The following PRKDC variants were observed in gnomAD, a reference collection of about 807,000 sequenced individuals.
The protein encoded by PRKDC is protein kinase, DNA-activated, catalytic subunit.
A neutral mutation model predicts 486.9 loss-of-function variants in PRKDC; 82 were observed. The observed-to-expected ratio is 0.17, with a 90% CI of 0.14 to 0.20. The LOEUF (loss-of-function observed/expected upper bound fraction) is 0.20. Among genes scored for constraint, PRKDC ranks in the 10% least tolerant of loss-of-function variants. The pLI is 1.00. For synonymous variants in PRKDC, 1,895 were observed against 1,837.0 expected (o/e 1.03, Z -0.81); for missense variants, 4,504 against 5,038.2 (o/e 0.89, Z 3.21).
chr8:47,929,240 A>G, intron 18 of PRKDC, 62 bp from the exon 19 acceptor site: 1 of 1,139,500 alleles, frequency 8.8e-7, no homozygotes, highest in Non-Finnish European at 1.3e-6. Flanking sequence ...ATCCCAATCC[A>G]GTAGTTCCTA....
In PRKDC at chr8:47,929,057, CATG is replaced by C. The variant is rs371404425; in HGVS notation, c.2139+32_2139+34del. On this transcript the variant is annotated intron_variant, in intron 19 of 85. Coordinates refer to ENST00000314191, the MANE Select transcript of PRKDC (RefSeq NM_006904.7). ...AATAGATATTCATTTAAAAACAGTTCATGATAACACTAAGATAAATCATTTAAA... is the reference window on the plus strand; with the variant it reads ...AATAGATATTCATTTAAAAACAGTTCATAACACTAAGATAAATCATTTAAA... The C allele has an allele frequency of 1.1e-3, 1,513 of 1,357,734 alleles. 10 individuals carry two copies. In the African/African-American group the frequency reaches 0.019, roughly 17 times the overall value. The allele number at this position is 1,357,734 out of a possible 1,614,324, so 84.1% of individuals were successfully genotyped here.
rs774957970 is a variant in PRKDC at position 47,840,054 on chromosome 8, T to C, written c.7416A>G (p.Gln2472=). 2 of 1,554,266 alleles carry C rather than the reference T, an allele frequency of 1.3e-6. No individual in the cohort carries two copies. The highest frequency in any genetic ancestry group is 1.4e-5 in the African/African-American group (1 of 73,574). Residue 2472 remains glutamine, a synonymous_variant, in exon 55 of 86, where the codon CAA becomes CAG. Transcript: ENST00000314191. ...GAATCCACATGAGAATATTATACATTTGTTCCCTACATGTTGTAGAAGGAT... is the reference window on the plus strand; with the variant it reads ...GAATCCACATGAGAATATTATACATCTGTTCCCTACATGTTGTAGAAGGAT... ...VSHPSTTCRE[Q]MYNILMWIHD...
intron 25 of PRKDC, among the ~76,000 whole-genome samples, chr8:47,905,258 G>C (rs1482363383): frequency 6.6e-6 from 1 of 151,948 alleles, no homozygotes; most frequent in East Asian, 1.9e-4. Flanking sequence ...TGAACTCCTG[G>C]CCTCAAGTGA....
chr8:47,908,230 T>C (rs1174098781), intron 25 of PRKDC, among the ~76,000 whole-genome samples: 1 of 152,210 alleles, frequency 6.6e-6, no homozygotes, highest in Non-Finnish European at 1.5e-5. Flanking sequence ...CCAATATCAT[T>C]TTAATTTGAA....
chr8:47,917,424 T>C (rs2090004122), intron 22 of PRKDC, among the ~76,000 whole-genome samples: 1 of 152,220 alleles, frequency 6.6e-6, no homozygotes, highest in African/African-American at 2.4e-5. Flanking sequence ...TGAGAAGAAC[T>C]GACCCTAGAG....
At chr8:47,912,616 G>GA (rs2154502790) in intron 24 of PRKDC, 54 bp from the exon 25 acceptor site, 7 of 1,460,118 alleles carry the variant, frequency 4.8e-6, no homozygotes, top group Non-Finnish European at 6.4e-6. Flanking sequence ...GATGACAAGA[G>GA]AATATTTGAA....
chr8:47,925,272 G>T (rs770764497), intron 21 of PRKDC, among the ~76,000 whole-genome samples: 2 of 152,208 alleles, frequency 1.3e-5, no homozygotes, highest in Non-Finnish European at 2.9e-5. Flanking sequence ...CTGACCAAAT[G>T]GTTACAGTGG....
rs1048021343 is a variant in PRKDC at position 47,885,974 on chromosome 8, G to A, written c.4746C>T (p.Leu1582=). ...TGGTATTATCCACTGAAGACTGCAT[G>A]AGCTCCAATACAGCAAGATCCAGAT... ...LKNLDLAVLE[L]MQSSVDNTKM... is the part of the protein sequence containing the mutation. Residue 1582 remains leucine, a synonymous_variant, in exon 36 of 86, where the codon CTC becomes CTT. Coordinates refer to ENST00000314191, the MANE Select transcript of PRKDC (RefSeq NM_006904.7). 2 of 1,613,718 alleles carry A rather than the reference G, an allele frequency of 1.2e-6. No homozygotes were observed. The highest frequency in any genetic ancestry group is 2.2e-5 in the East Asian group (1 of 44,896).
intron 40 of PRKDC, among the ~76,000 whole-genome samples, chr8:47,867,934 C>T (rs2088855096): frequency 6.6e-6 from 1 of 152,132 alleles, no homozygotes; most frequent in African/African-American, 2.4e-5. Context: ...CTTCCTGCAT[C>T]TACTGAAATT....
At chr8:47,815,665 A>G (rs933500344) in intron 68 of PRKDC, among the ~76,000 whole-genome samples, 2 of 152,254 alleles carry the variant, frequency 1.3e-5, no homozygotes, top group Non-Finnish European at 2.9e-5. Context: ...AAACAGAAGG[A>G]AGGGTGCCTG....
At chr8:47,940,469 T>C (rs771352712) in intron 10 of PRKDC, among the ~76,000 whole-genome samples, 5 of 152,188 alleles carry the variant, frequency 3.3e-5, no homozygotes, top group Non-Finnish European at 5.9e-5. Context: ...AACTTATCCA[T>C]ACACTTCCCA....
chr8:47,905,915 T>G (rs891695458), intron 25 of PRKDC, among the ~76,000 whole-genome samples: 1 of 152,206 alleles, frequency 6.6e-6, no homozygotes, highest in Non-Finnish European at 1.5e-5. Flanking sequence ...GCAGAGCTCC[T>G]GTCTTCCTGG....
At chr8:47,776,739 G>T (rs1563728180) in intron 85 of PRKDC, 105 bp downstream of exon 85, 2 of 1,402,894 alleles carry the variant, frequency 1.4e-6, no homozygotes, top group Non-Finnish European at 2.0e-6. Context: ...GAGAAGTCAT[G>T]CTAACAGAGT....
chr8:47,959,917 C>T (rs888221621), intron 1 of PRKDC, 56 bp downstream of exon 1: 11 of 1,520,862 alleles, frequency 7.2e-6, no homozygotes, highest in Non-Finnish European at 8.8e-6. Context: ...TGCCCGGCTC[C>T]AGAACGACTC....
Position 47,912,567 on chromosome 8 carries a change from A to C in PRKDC, c.2782-5T>G, listed in dbSNP as rs758704531. 10 of 1,594,524 alleles carry C rather than the reference A, an allele frequency of 6.3e-6. No homozygotes were observed. Among genetic ancestry groups the C allele is most frequent in the Non-Finnish European group, 8.6e-6 (10 of 1,169,018 alleles). On this transcript the variant is annotated splice_region_variant and splice_polypyrimidine_tract_variant and intron_variant, in intron 24 of 85. Transcript: ENST00000314191. ...TAAAAGTTCACAGGCTGCAACCTAA[A>C]ACAGACCAGGAGGTCAGCAATGTTT...
chr8:47,953,739 A>T lies in PRKDC; in HGVS notation c.622-20T>A. 1 of 1,599,356 alleles carries T rather than the reference A, an allele frequency of 6.3e-7. No individual in the cohort carries two copies. Among genetic ancestry groups the T allele is most frequent in the Non-Finnish European group, 8.5e-7 (1 of 1,172,096 alleles). ...TGTCATCTAAAAGAAAAGATTTAAG[A>T]AGATGTCATTACAAGAGAAAAACAC... On this transcript the variant is annotated intron_variant, in intron 6 of 85. Coordinates refer to ENST00000314191, the MANE Select transcript of PRKDC (RefSeq NM_006904.7).
At chr8:47,832,054 G>A (rs1323663743) in intron 59 of PRKDC, 128 bp from the exon 60 acceptor site, 10 of 747,314 alleles carry the variant, frequency 1.3e-5, no homozygotes, top group South Asian at 1.2e-4. Context: ...CCGGGAGCAG[G>A]AGTGCAGGGG....
rs181399069 is a variant in PRKDC, at chr8:47,874,993, G to A, written c.5363+2731C>T. On this transcript the variant is annotated intron_variant, in intron 40 of 85. Transcript: ENST00000314191. ...TTGCCTGAACCCAGGAGGAGGTCAA[G>A]GCTGCAGTGAGCCTTGACCACTGCA... is the stretch of plus-strand genomic sequence containing the variant. 5.2e-3 allele frequency among the ~76,000 whole-genome samples: 790 copies of A among 152,228 alleles called. 12 individuals are homozygous for A. The highest frequency in any genetic ancestry group is 0.018 in the African/African-American group (764 of 41,534).
chr8:47,827,780 C>A (rs1474577234), intron 62 of PRKDC, among the ~76,000 whole-genome samples: 6 of 152,182 alleles, frequency 3.9e-5, no homozygotes, highest in African/African-American at 1.4e-4. Context: ...ATCAATGTGG[C>A]CCAGCCACCT....
Sources: allele counts gnomAD v4.1 joint callset (sites outside exome capture counted in the v4.1 genomes callset), GRCh38; gene constraint gnomAD v4.1.1; transcripts MANE v1.5; gene names NCBI Gene and HGNC (gene_info 2026-07-23, HGNC 2026-07-21).